The following BCAS3 variants were observed in gnomAD, a reference collection of about 807,000 sequenced individuals.
BCAS3 encodes BCAS3 microtubule associated cell migration factor.
In BCAS3, 53 loss-of-function variants were observed where a neutral mutation model predicts 116.1. The ratio of observed to expected loss-of-function variants is 0.46; its 90% CI spans 0.37 to 0.57. The LOEUF is 0.57. Ranked by LOEUF, BCAS3 falls within the 20% of genes least tolerant of loss-of-function variation. The pLI, the probability that BCAS3 is intolerant of heterozygous loss-of-function variation, is 0.00. For synonymous variants in BCAS3, 391 were observed against 408.2 expected, an observed-to-expected ratio of 0.96 and a Z score of 0.51; for missense variants, 917 against 1,165.4, an observed-to-expected ratio of 0.79 and a Z score of 3.10.
chr17:60,912,661 A>G (rs1273599959), intron 12 of BCAS3, among the ~76,000 whole-genome samples: 2 of 152,090 alleles, frequency 1.3e-5, no homozygotes, highest in Non-Finnish European at 2.9e-5. Context: ...CTTTGTGTTA[A>G]TTAGTTGATG....
intron 5 of BCAS3, among the ~76,000 whole-genome samples, chr17:60,733,315 C>T (rs1249871252): frequency 6.6e-6 from 1 of 152,038 alleles, no homozygotes; most frequent in East Asian, 1.9e-4. Flanking sequence ...GTGTATTTTT[C>T]ATATTTTGCA....
intron 14 of BCAS3, among the ~76,000 whole-genome samples, chr17:60,982,697 A>G (rs1661756194): frequency 6.6e-6 from 1 of 152,148 alleles, no homozygotes; most frequent in South Asian, 2.1e-4. Context: ...TATATTACAA[A>G]AAACTATATT....
At chr17:61,360,715 T>C (rs2058408513) in intron 22 of BCAS3, among the ~76,000 whole-genome samples, 1 of 152,240 alleles carries the variant, frequency 6.6e-6, no homozygotes, top group Non-Finnish European at 1.5e-5. Flanking sequence ...TTGAGATCCT[T>C]AATTACATTT....
At chr17:61,039,337 C>A (rs1392806055) in intron 18 of BCAS3, among the ~76,000 whole-genome samples, 2 of 152,100 alleles carry the variant, frequency 1.3e-5, no homozygotes, top group African/African-American at 4.8e-5. Context: ...TTTGTTTATC[C>A]ATTTATTAGT....
At position 60,948,421 on chromosome 17, in the gene BCAS3, G is replaced by A. The variant is rs535272001; in HGVS notation, c.1221+1069G>A. Reference sequence around the variant, plus strand: ...TTATAGGCATGAGCCACCGCGCCTGGCCCACATATATTTAATATTCTTAAT... The same window carrying A: ...TTATAGGCATGAGCCACCGCGCCTGACCCACATATATTTAATATTCTTAAT... On this transcript the variant is annotated intron_variant, in intron 14 of 23. Transcript: ENST00000407086. Among the ~76,000 whole-genome samples, 3 of 152,162 alleles carry A rather than the reference G, an allele frequency of 2.0e-5. No homozygotes were observed. The East Asian group carries it at 5.8e-4, about 29-fold the overall frequency.
intron 22 of BCAS3, among the ~76,000 whole-genome samples, chr17:61,191,735 A>C (rs2080133759): frequency 6.6e-6 from 1 of 151,206 alleles, no homozygotes; most frequent in South Asian, 2.1e-4. Context: ...AGATCGCACC[A>C]TTGCACTCCA....
chr17:61,206,374 T>G (rs999801202), intron 22 of BCAS3, among the ~76,000 whole-genome samples: 5 of 152,228 alleles, frequency 3.3e-5, no homozygotes, highest in Non-Finnish European at 7.3e-5. Context: ...GGTCACTTTC[T>G]TTATATTTTA....
chr17:61,159,771 C>T (rs551594735), intron 22 of BCAS3, among the ~76,000 whole-genome samples: 6 of 152,270 alleles, frequency 3.9e-5, no homozygotes, highest in African/African-American at 1.4e-4. Context: ...TGTAATGTAA[C>T]ATTCAAGAAA....
chr17:61,303,211 G>C (rs947884844), intron 22 of BCAS3, among the ~76,000 whole-genome samples: 2 of 152,172 alleles, frequency 1.3e-5, no homozygotes, highest in African/African-American at 2.4e-5. Context: ...GGATTTATGG[G>C]GAGCCAGAGC....
chr17:61,177,777 T>C (rs922205447), intron 22 of BCAS3, among the ~76,000 whole-genome samples: 2 of 152,178 alleles, frequency 1.3e-5, no homozygotes, highest in Non-Finnish European at 2.9e-5. Context: ...TGTTCAGCAG[T>C]GCTATTTTGA....
intron 19 of BCAS3, among the ~76,000 whole-genome samples, chr17:61,074,216 C>A (rs1181144193): frequency 6.9e-6 from 1 of 144,910 alleles, no homozygotes; most frequent in African/African-American, 2.6e-5. Flanking sequence ...GAACCTAAAA[C>A]TGCTGTTAAA....
At chr17:61,254,289 G>A (rs973560601) in intron 22 of BCAS3, among the ~76,000 whole-genome samples, 6 of 152,092 alleles carry the variant, frequency 3.9e-5, no homozygotes, top group African/African-American at 1.2e-4. Flanking sequence ...CCGTAAAGAG[G>A]GCTTGCTTTC....
intron 6 of BCAS3, among the ~76,000 whole-genome samples, chr17:60,749,681 A>G (rs1219202794): frequency 6.6e-6 from 1 of 152,036 alleles, no homozygotes; most frequent in Non-Finnish European, 1.5e-5. Flanking sequence ...TTCTGCTGTT[A>G]TGTTTTTCTT....
chr17:60,970,223 G>T lies in BCAS3; in HGVS notation c.1222-19748G>T, dbSNP rs77293835. ...AGGGTGGAGGCAGGTATATGGAGCT[G>T]TACTATTGCAAGGTTCAACATTGCT... On this transcript the variant is annotated intron_variant, in intron 14 of 23. Transcript: ENST00000407086. 7.9e-5 allele frequency among the ~76,000 whole-genome samples: 12 copies of T among 152,124 alleles called. No individual in the cohort carries two copies. In the East Asian group the frequency reaches 2.3e-3, roughly 29 times the overall value.
At chr17:61,170,131 G>C (rs1004062228) in intron 22 of BCAS3, among the ~76,000 whole-genome samples, 1 of 152,036 alleles carries the variant, frequency 6.6e-6, no homozygotes, top group African/African-American at 2.4e-5. Context: ...TGTGATTAGA[G>C]GTGTGAGTCA....
intron 10 of BCAS3, among the ~76,000 whole-genome samples, chr17:60,893,600 C>CTTTTTTT (rs930873750): frequency 1.1e-3 from 94 of 82,044 alleles, no homozygotes; most frequent in East Asian, 1.7e-3. Context: ...GACCTATGAT[C>CTTTTTTT]TTTTTTTTTT....
chr17:61,345,706 C>T (rs1412266795), intron 22 of BCAS3, among the ~76,000 whole-genome samples: 4 of 151,954 alleles, frequency 2.6e-5, no homozygotes, highest in Admixed American at 6.6e-5. Context: ...GGGGACTTTA[C>T]GGTGGACTTA....
Position 61,219,074 on chromosome 17 carries a change from G to C in BCAS3, c.2425+134510G>C, listed in dbSNP as rs2081965523. The stretch of plus-strand genomic sequence containing the variant: ...GATAAAGGATGGCTCTCTAGAATTA[G>C]GATTCTGCGCTCCGTAACTAATATT... On this transcript the variant is annotated intron_variant, in intron 22 of 23. Coordinates refer to ENST00000407086, the MANE Select transcript of BCAS3 (RefSeq NM_017679.5). This position sits in a 1 kb window ranked among gnomAD's most constrained non-coding sequence, Gnocchi z 5.2. Among the ~76,000 whole-genome samples the C allele has an allele frequency of 1.3e-5, 2 of 152,146 alleles. No individual in the cohort carries two copies. The highest frequency in any genetic ancestry group is 4.8e-5 in the African/African-American group (2 of 41,438).
chr17:60,918,669 A>G (rs1023933268), intron 12 of BCAS3, among the ~76,000 whole-genome samples: 1 of 144,108 alleles, frequency 6.9e-6, no homozygotes, highest in African/African-American at 2.5e-5. Flanking sequence ...TGTTTCATCT[A>G]GTCTATTGTT....
Sources: gnomAD v4.1 joint callset for allele counts (sites outside exome capture counted in the v4.1 genomes callset) on GRCh38, gnomAD v4.1.1 for gene constraint, Gnocchi (gnomAD v3.1) non-coding constraint, MANE v1.5 for transcripts, NCBI Gene and HGNC (gene_info 2026-07-23, HGNC 2026-07-21) for gene names.